ANKRD36: variants seen among roughly 807,000 people sequenced by gnomAD.
ANKRD36 encodes the protein ankyrin repeat domain 36, also known as ankyrin repeat domain-containing protein 36A.
Under a neutral mutation model 278.1 loss-of-function variants are expected in ANKRD36, and 179 were observed. That is an observed-to-expected ratio of 0.64 (90% CI 0.57 to 0.73). The LOEUF (loss-of-function observed/expected upper bound fraction) is 0.73. Ranked by LOEUF, ANKRD36 falls within the 30% of genes least tolerant of loss-of-function variation. The pLI, the probability that ANKRD36 is intolerant of heterozygous loss-of-function variation, is 0.00. For missense variants in ANKRD36, 1,159 were observed against 1,956.7 expected, an observed-to-expected ratio of 0.59 and a Z score of 7.69; for synonymous variants, 320 against 641.1, an observed-to-expected ratio of 0.50 and a Z score of 7.57.
chr2:97,207,106 A>G (rs183524686), intron 52 of ANKRD36, among the ~76,000 whole-genome samples: 1 of 151,700 alleles, frequency 6.6e-6, no homozygotes, highest in Non-Finnish European at 1.5e-5. Context: ...GTCAAAATTG[A>G]TAATTGATGA....
At chr2:97,212,214 G>C (rs2064854148) in intron 58 of ANKRD36, among the ~76,000 whole-genome samples, 1 of 151,898 alleles carries the variant, frequency 6.6e-6, no homozygotes, top group Non-Finnish European at 1.5e-5. Flanking sequence ...TTGTGAGTCA[G>C]GAAGGAGGGA....
intron 24 of ANKRD36, 70 bp downstream of exon 24, chr2:97,180,003 A>G: frequency 6.3e-7 from 1 of 1,591,174 alleles, no homozygotes; most frequent in East Asian, 2.2e-5. Context: ...ACCCAAATAA[A>G]TCAGTGGGGA....
At chr2:97,211,246 G>T (rs2064475970) in intron 56 of ANKRD36, among the ~76,000 whole-genome samples, 2 of 151,940 alleles carry the variant, frequency 1.3e-5, no homozygotes, top group Admixed American at 6.6e-5. Context: ...TCTGATTTTA[G>T]ATCACTTTGT....
intron 22 of ANKRD36, among the ~76,000 whole-genome samples, chr2:97,170,826 T>A (rs1271267937): frequency 6.6e-6 from 1 of 150,988 alleles, no homozygotes; most frequent in Non-Finnish European, 1.5e-5. Flanking sequence ...ATATCCAGAA[T>A]CTACAATGAA....
intron 14 of ANKRD36, among the ~76,000 whole-genome samples, chr2:97,154,154 C>G (rs995265803): frequency 7.6e-5 from 11 of 145,472 alleles, no homozygotes; most frequent in African/African-American, 2.7e-4. Context: ...ATCAATGGGC[C>G]CTCTTTAAGT....
intron 43 of ANKRD36, 25 bp from the exon 44 acceptor site, chr2:97,198,561 T>C (rs1168288467): frequency 1.3e-6 from 2 of 1,552,384 alleles, no homozygotes; most frequent in African/African-American, 2.7e-5. Context: ...TATTAATTTA[T>C]TATTTCATTT....
intron 6 of ANKRD36, among the ~76,000 whole-genome samples, chr2:97,140,562 G>A (rs1190777535): frequency 6.6e-6 from 1 of 151,980 alleles, no homozygotes. Flanking sequence ...AGAGACGATA[G>A]ATACTCAAAC....
At position 97,208,017 on chromosome 2, in the gene ANKRD36, A is replaced by T. The variant is rs1256167781; in HGVS notation, c.3265+11A>T. On this transcript the variant is annotated intron_variant, in intron 54 of 75. Transcript: ENST00000420699. ...AAAAAACTAAGAGAGGTAATTTTGA[A>T]AAGAGATTTAATGTCATGTTCAGTG... 1.3e-6 allele frequency: 2 copies of T among 1,510,994 alleles called. No individual in the cohort carries two copies. Among genetic ancestry groups the T allele is most frequent in the African/African-American group, 3.1e-5 (2 of 65,166 alleles). The allele number at this position is 1,510,994 out of a possible 1,614,324, so 93.6% of individuals were successfully genotyped here.
intron 22 of ANKRD36, among the ~76,000 whole-genome samples, chr2:97,172,396 C>T (rs200060889): frequency 1.3e-5 from 2 of 151,190 alleles, no homozygotes; most frequent in African/African-American, 4.8e-5. Flanking sequence ...CTCTTCATGC[C>T]GATACCATAT....
chr2:97,113,902 T>C lies in ANKRD36; in HGVS notation c.163T>C (p.Tyr55His), dbSNP rs202208377. Residue 55 changes from tyrosine (Y) to histidine (H), a missense_variant, in exon 1 of 76, where the codon TAT (tyrosine) becomes CAT (histidine). Physicochemically the swap from Tyr to His is moderately conservative, Grantham distance 83. Coordinates refer to ENST00000420699, the MANE Select transcript of ANKRD36 (RefSeq NM_001354587.1). Reference sequence around the variant, plus strand: ...GAAACTGAAGTACCTTCTGCTCACGTATTATGACGCCAATAAGAGAGACAG... The same window carrying C: ...GAAACTGAAGTACCTTCTGCTCACGCATTATGACGCCAATAAGAGAGACAG... ...LEKLKYLLLT[Y>H]YDANKRDRKE... 9.9e-5 allele frequency: 160 copies of C among 1,612,914 alleles called. 1 individual carries two copies. The highest frequency in any genetic ancestry group is 1.3e-4 in the Non-Finnish European group (153 of 1,179,932).
At chr2:97,196,862 C>CG (rs1276362202) in intron 42 of ANKRD36, 74 bp downstream of exon 42, 10 of 1,533,000 alleles carry the variant, frequency 6.5e-6, no homozygotes, top group African/African-American at 5.5e-5. Flanking sequence ...AATAAATCAG[C>CG]GGGGGGCTCA....
In ANKRD36 at chr2:97,118,161, A is replaced by G. The variant is rs1160547311; in HGVS notation, c.295A>G (p.Arg99Gly). Residue 99 changes from arginine to glycine, a missense_variant, in exon 2 of 76, where the codon AGG becomes GGG. Transcript: ENST00000420699. Reference sequence around the variant, plus strand: ...GCTTAACCTCTGCGACCGTGAAGACAGGACACCTCTGATCAAGGTATATAG... The same window carrying G: ...GCTTAACCTCTGCGACCGTGAAGACGGGACACCTCTGATCAAGGTATATAG... ...CELNLCDRED[R>G]TPLIKAVQLR... 1.3e-6 allele frequency: 2 copies of G among 1,577,168 alleles called. No homozygotes were observed. Among genetic ancestry groups the G allele is most frequent in the South Asian group, 1.2e-5 (1 of 86,186 alleles).
chr2:97,227,180 G>C (rs2070071086), intron 67 of ANKRD36, among the ~76,000 whole-genome samples: 2 of 152,112 alleles, frequency 1.3e-5, no homozygotes, highest in Non-Finnish European at 2.9e-5. Flanking sequence ...TTGGGAGCTT[G>C]ATGGTGATGG....
Position 97,195,334 on chromosome 2 carries a change from G to A in ANKRD36, c.2551+417G>A, listed in dbSNP as rs372526316. On this transcript the variant is annotated intron_variant, in intron 40 of 75. Transcript: ENST00000420699. ...TAGACACTGTAGAAGGAGAACTGAG[G>A]AGACCCCTGATGTAGCAATTATTTT... Among the ~76,000 whole-genome samples, 161 of 152,052 alleles carry A rather than the reference G, an allele frequency of 1.1e-3. 1 individual carries two copies. Among genetic ancestry groups the A allele is most frequent in the East Asian group, 5.9e-3 (30 of 5,106 alleles).
At chr2:97,179,241 G>A (rs1215432560) in intron 22 of ANKRD36, among the ~76,000 whole-genome samples, 1 of 151,484 alleles carries the variant, frequency 6.6e-6, no homozygotes, top group African/African-American at 2.4e-5. Flanking sequence ...CCACTGAAGA[G>A]ATTTCAACTA....
In ANKRD36 at chr2:97,190,967, T is replaced by G. The variant is rs766439046; in HGVS notation, c.2246-11T>G. Reference sequence around the variant, plus strand: ...TATATGAGTGATTATGTATCCCTTTTTGCTTTTCAGTGTCTTCTCAGAAAC... The same window carrying G: ...TATATGAGTGATTATGTATCCCTTTGTGCTTTTCAGTGTCTTCTCAGAAAC... On this transcript the variant is annotated splice_polypyrimidine_tract_variant and intron_variant, in intron 34 of 75. Coordinates refer to ENST00000420699, the MANE Select transcript of ANKRD36 (RefSeq NM_001354587.1). The G allele has an allele frequency of 6.2e-7, 1 of 1,603,880 alleles. No homozygotes were observed. The highest frequency in any genetic ancestry group is 1.1e-5 in the South Asian group (1 of 90,642).
chr2:97,262,552 G>C (rs751622629), intron 75 of ANKRD36, among the ~76,000 whole-genome samples: 14 of 128,818 alleles, frequency 1.1e-4, no homozygotes, highest in Admixed American at 2.5e-4. Context: ...TAATCAAATT[G>C]TCCAAAGTTA....
intron 46 of ANKRD36, among the ~76,000 whole-genome samples, chr2:97,201,022 A>G (rs2061235181): frequency 6.6e-6 from 1 of 151,884 alleles, no homozygotes; most frequent in South Asian, 2.1e-4. Context: ...AGTCATTTAT[A>G]TAATTTTGTG....
chr2:97,122,976 CATTG>C lies in ANKRD36; in HGVS notation c.580_583del (p.Asp194IlefsTer18). The C allele has an allele frequency of 6.5e-7, 1 of 1,541,428 alleles. No homozygotes were observed. The highest frequency in any genetic ancestry group is 8.8e-7 in the Non-Finnish European group (1 of 1,140,950). ...TAAAGAAAAAAGCAAATGTAAATGC[CATTG>C]ATTATCTTGGCAGGTACAGACCTTA... On this transcript the variant is annotated frameshift_variant, in exon 4 of 76. Coordinates refer to ENST00000420699, the MANE Select transcript of ANKRD36 (RefSeq NM_001354587.1). LOFTEE classifies it high-confidence loss of function.
Sources: gnomAD v4.1 joint callset for allele counts (sites outside exome capture counted in the v4.1 genomes callset) on GRCh38, gnomAD v4.1.1 for gene constraint, MANE v1.5 for transcripts, NCBI Gene and HGNC (gene_info 2026-07-23, HGNC 2026-07-21) for gene names.